The following SH3RF3 variants were observed in gnomAD, a reference collection of about 807,000 sequenced individuals.
SH3RF3 encodes the protein SH3 domain containing ring finger 3, also known as E3 ubiquitin-protein ligase SH3RF3.
Under a neutral mutation model 66.3 loss-of-function variants are expected in SH3RF3, and 29 were observed. That is an observed-to-expected ratio of 0.44 (90% confidence interval 0.33 to 0.60). SH3RF3 has a LOEUF of 0.60. Among genes scored for constraint, SH3RF3 ranks in the 20% least tolerant of loss-of-function variants. SH3RF3 has a pLI of 0.04. For synonymous variants in SH3RF3, 583 were observed against 532.0 expected, an observed-to-expected ratio of 1.10 and a Z score of -1.32; for missense variants, 1,194 against 1,190.9, an observed-to-expected ratio of 1.00 and a Z score of -0.04.
intron 1 of SH3RF3, among the ~76,000 whole-genome samples, chr2:109,179,800 CAT>C (rs1326805646): frequency 1.3e-5 from 2 of 152,182 alleles, no homozygotes; most frequent in Admixed American, 1.3e-4. Context: ...GTTTTCAACA[CAT>C]AAGATCTGGG....
intron 1 of SH3RF3, among the ~76,000 whole-genome samples, chr2:109,335,619 C>T (rs550061743): frequency 2.0e-5 from 3 of 152,290 alleles, no homozygotes; most frequent in Admixed American, 2.0e-4. Context: ...CTGACATTCT[C>T]TAGATTTTAC....
At chr2:109,489,336 C>G (rs1679066074) in intron 8 of SH3RF3, among the ~76,000 whole-genome samples, 1 of 152,246 alleles carries the variant, frequency 6.6e-6, no homozygotes, top group African/African-American at 2.4e-5. Context: ...CCCCCAGACC[C>G]TGGTACAGCT....
chr2:109,253,704 G>A (rs1375104281), intron 1 of SH3RF3, among the ~76,000 whole-genome samples: 2 of 152,166 alleles, frequency 1.3e-5, no homozygotes, highest in African/African-American at 4.8e-5. Context: ...CTGGAAAATA[G>A]AACATATAAT....
intron 1 of SH3RF3, among the ~76,000 whole-genome samples, chr2:109,291,596 G>A (rs967941472): frequency 1.3e-5 from 2 of 152,236 alleles, no homozygotes; most frequent in African/African-American, 4.8e-5. Context: ...GATCTGCTGA[G>A]CCCAGGCAGC....
At chr2:109,266,093 C>A (rs892338302) in intron 1 of SH3RF3, among the ~76,000 whole-genome samples, 4 of 147,946 alleles carry the variant, frequency 2.7e-5, no homozygotes, top group African/African-American at 1.0e-4. Context: ...GTGTGTTGTG[C>A]GTGCATGTGT....
intron 1 of SH3RF3, among the ~76,000 whole-genome samples, chr2:109,169,308 A>G (rs915696370): frequency 1.0e-4 from 15 of 150,682 alleles, no homozygotes; most frequent in African/African-American, 3.7e-4. Context: ...CCAAGTTCAT[A>G]GTACCATCCA....
chr2:109,148,237 A>G (rs1677144208), intron 1 of SH3RF3, among the ~76,000 whole-genome samples: 1 of 152,146 alleles, frequency 6.6e-6, no homozygotes, highest in South Asian at 2.1e-4. Context: ...CTTCTGCAGT[A>G]TCTGTTTTCT....
intron 4 of SH3RF3, among the ~76,000 whole-genome samples, chr2:109,400,230 A>C (rs1676269011): frequency 6.6e-6 from 1 of 152,136 alleles, no homozygotes; most frequent in East Asian, 1.9e-4. Flanking sequence ...ATGCACGCAC[A>C]CACACACATA....
chr2:109,464,484 A>G (rs1297819015), intron 8 of SH3RF3, among the ~76,000 whole-genome samples: 4 of 152,220 alleles, frequency 2.6e-5, no homozygotes, highest in East Asian at 1.9e-4. Flanking sequence ...ATCTGTACAC[A>G]TATACAGATG....
At chr2:109,174,613 A>G (rs1677875915) in intron 1 of SH3RF3, among the ~76,000 whole-genome samples, 1 of 152,206 alleles carries the variant, frequency 6.6e-6, no homozygotes, top group Admixed American at 6.5e-5. Flanking sequence ...AGGTGGCTGA[A>G]GCCTTGCTAT....
chr2:109,323,382 A>G (rs1204178011), intron 1 of SH3RF3, among the ~76,000 whole-genome samples: 2 of 152,234 alleles, frequency 1.3e-5, no homozygotes, highest in Non-Finnish European at 2.9e-5. Context: ...ATTCACCACA[A>G]TGGGCATTTG....
intron 1 of SH3RF3, among the ~76,000 whole-genome samples, chr2:109,343,271 C>G (rs554676040): frequency 2.0e-5 from 3 of 152,182 alleles, no homozygotes; most frequent in South Asian, 2.1e-4. Flanking sequence ...CTGGAGGTGC[C>G]GGGTGTCACC....
At chr2:109,398,485 G>A in intron 3 of SH3RF3, 105 bp from the exon 4 acceptor site, 3 of 989,186 alleles carry the variant, frequency 3.0e-6, no homozygotes, top group Non-Finnish European at 2.9e-6. Context: ...GGATTTGAAT[G>A]CATTGCCAGT....
At chr2:109,314,014 C>T (rs942066764) in intron 1 of SH3RF3, among the ~76,000 whole-genome samples, 6 of 152,118 alleles carry the variant, frequency 3.9e-5, no homozygotes, top group African/African-American at 1.4e-4. Context: ...GAGTACCAGG[C>T]TGTGGGACAC....
At chr2:109,356,366 A>G (rs1682944283) in intron 2 of SH3RF3, among the ~76,000 whole-genome samples, 1 of 152,220 alleles carries the variant, frequency 6.6e-6, no homozygotes, top group East Asian at 1.9e-4. Context: ...ACCACACTGC[A>G]GCTAGGTCTA....
intron 1 of SH3RF3, among the ~76,000 whole-genome samples, chr2:109,148,828 G>A (rs1409727071): frequency 7.4e-6 from 1 of 134,992 alleles, no homozygotes; most frequent in East Asian, 2.0e-4. Context: ...TGTAGGGACA[G>A]CAATCATGGC....
In SH3RF3 at chr2:109,269,963, A is replaced by C. The variant is rs371029434; in HGVS notation, c.574-77711A>C. On this transcript the variant is annotated intron_variant, in intron 1 of 9. Coordinates refer to ENST00000309415, the MANE Select transcript of SH3RF3 (RefSeq NM_001099289.3). Reference sequence around the variant, plus strand: ...TAAGCTGGTTGTACAGAGAATTCCTAGCTGTACAGAAATTAATGAAGCCCT... The same window carrying C: ...TAAGCTGGTTGTACAGAGAATTCCTCGCTGTACAGAAATTAATGAAGCCCT... Among the ~76,000 whole-genome samples the C allele has an allele frequency of 1.2e-3, 189 of 152,356 alleles. 1 individual carries two copies. Among genetic ancestry groups the C allele is most frequent in the African/African-American group, 4.2e-3 (175 of 41,582 alleles).
intron 8 of SH3RF3, among the ~76,000 whole-genome samples, chr2:109,473,216 T>C (rs1212039866): frequency 2.0e-5 from 3 of 152,230 alleles, no homozygotes; most frequent in African/African-American, 7.2e-5. Context: ...TACGAGCGCC[T>C]CACACAGGCC....
chr2:109,419,473 GC>G, intron 4 of SH3RF3, 65 bp from the exon 5 acceptor site: 1 of 1,493,144 alleles, frequency 6.7e-7, no homozygotes, highest in Non-Finnish European at 9.1e-7. Flanking sequence ...GCCTCATTTT[GC>G]TTTTCTCTTT....
Sources: allele counts gnomAD v4.1 joint callset (sites outside exome capture counted in the v4.1 genomes callset), GRCh38; gene constraint gnomAD v4.1.1; transcripts MANE v1.5; gene names NCBI Gene and HGNC (gene_info 2026-07-23, HGNC 2026-07-21).